CDH4: variants seen among roughly 807,000 people sequenced by gnomAD.
The protein encoded by CDH4 is cadherin-4.
Under a neutral mutation model 86.0 loss-of-function variants are expected in CDH4, and 33 were observed. The observed-to-expected ratio is 0.38, with a 90% CI of 0.29 to 0.51. CDH4 has a LOEUF of 0.51. Among genes scored for constraint, CDH4 ranks in the 20% least tolerant of loss-of-function variants. The pLI is 0.86. For synonymous variants in CDH4, 555 were observed against 549.4 expected, an observed-to-expected ratio of 1.01 and a Z score of -0.14; for missense variants, 1,114 against 1,307.4, an observed-to-expected ratio of 0.85 and a Z score of 2.28.
At chr20:61,616,929 T>C (rs2086729757) in intron 2 of CDH4, among the ~76,000 whole-genome samples, 1 of 151,308 alleles carries the variant, frequency 6.6e-6, no homozygotes, top group African/African-American at 2.4e-5. Context: ...CATGGGGGGC[T>C]GCTGGGTGGA....
intron 2 of CDH4, among the ~76,000 whole-genome samples, chr20:61,376,350 C>T (rs2084872413): frequency 1.3e-5 from 2 of 151,866 alleles, no homozygotes; most frequent in Admixed American, 1.3e-4. Flanking sequence ...TGGGAAAGAT[C>T]CCAGGGGAAG....
At chr20:61,629,469 T>A (rs2086863930) in intron 2 of CDH4, among the ~76,000 whole-genome samples, 1 of 152,170 alleles carries the variant, frequency 6.6e-6, no homozygotes, top group Non-Finnish European at 1.5e-5. Context: ...TGAGCTGTAA[T>A]CAAAGGAATG....
At chr20:61,755,590 C>T (rs1029640243) in intron 3 of CDH4, among the ~76,000 whole-genome samples, 5 of 148,352 alleles carry the variant, frequency 3.4e-5, no homozygotes, top group African/African-American at 1.3e-4. Flanking sequence ...ACCACACACA[C>T]CACATACACA....
At chr20:61,785,713 G>A (rs2146006592) in intron 4 of CDH4, among the ~76,000 whole-genome samples, 1 of 152,336 alleles carries the variant, frequency 6.6e-6, no homozygotes. Flanking sequence ...TTGCCCAGGT[G>A]GACAGGGCCC....
At chr20:61,884,104 A>G (rs931769697) in intron 7 of CDH4, among the ~76,000 whole-genome samples, 6 of 152,188 alleles carry the variant, frequency 3.9e-5, no homozygotes, top group African/African-American at 1.4e-4. Flanking sequence ...GATCCAGCTC[A>G]GCACAGCAGA....
In CDH4 at chr20:61,684,490, G is replaced by A. The variant is rs1167242243; in HGVS notation, c.170-59073G>A. ...ATAGCCTTGAGCCTGGGCAGAATTC[G>A]GAGGCAACCATCTCCTGGCCGCCTG... On this transcript the variant is annotated intron_variant, in intron 2 of 15. Transcript: ENST00000614565. This position sits in a 1 kb window ranked among gnomAD's most constrained non-coding sequence, Gnocchi z 4.5. Among the ~76,000 whole-genome samples, 5 of 152,160 alleles carry A rather than the reference G, an allele frequency of 3.3e-5. No homozygotes were observed. The highest frequency in any genetic ancestry group is 1.9e-4 in the East Asian group (1 of 5,190).
Position 61,639,045 on chromosome 20 carries a change from G to A in CDH4, c.170-104518G>A, listed in dbSNP as rs149391139. On this transcript the variant is annotated intron_variant, in intron 2 of 15. Transcript: ENST00000614565. ...AATGTCAGTCCCTGTTATTACTGCC[G>A]GTAGAATGAATGAACACGTGCATAA... 2.2e-3 allele frequency among the ~76,000 whole-genome samples: 340 copies of A among 152,312 alleles called. 1 individual carries two copies. Among genetic ancestry groups the A allele is most frequent in the African/African-American group, 7.7e-3 (319 of 41,570 alleles).
intron 2 of CDH4, among the ~76,000 whole-genome samples, chr20:61,620,202 A>ATGGACAGACAGGCAGGCTGG (rs1158836974): frequency 3.3e-4 from 47 of 143,216 alleles, no homozygotes; most frequent in Non-Finnish European, 5.2e-4. Context: ...GGATGGATGG[A>ATGGACAGACAGGCAGGCTGG]TGGACAGACA....
At chr20:61,290,867 T>G (rs1391504238) in intron 2 of CDH4, among the ~76,000 whole-genome samples, 2 of 152,090 alleles carry the variant, frequency 1.3e-5, no homozygotes, top group Non-Finnish European at 2.9e-5. Context: ...TCCTGAAAAA[T>G]CTAAGGGTCT....
At chr20:61,475,432 T>C in intron 2 of CDH4, among the ~76,000 whole-genome samples, 1 of 112,214 alleles carries the variant, frequency 8.9e-6, no homozygotes, top group Non-Finnish European at 2.0e-5. Flanking sequence ...TCCACCACTT[T>C]CTCCCCCATG....
intron 2 of CDH4, among the ~76,000 whole-genome samples, chr20:61,296,829 T>C (rs1015152368): frequency 2.0e-4 from 30 of 151,904 alleles, no homozygotes; most frequent in African/African-American, 5.8e-4. Context: ...GGACGGACGA[T>C]GGGCAGGTGG....
chr20:61,310,970 T>C (rs1199257771), intron 2 of CDH4, among the ~76,000 whole-genome samples: 2 of 152,086 alleles, frequency 1.3e-5, no homozygotes, highest in Admixed American at 6.5e-5. Flanking sequence ...GGCTTCAAAA[T>C]AGGAATTTGA....
chr20:61,584,654 A>G lies in CDH4; in HGVS notation c.170-158909A>G, dbSNP rs79992441. On this transcript the variant is annotated intron_variant, in intron 2 of 15. Transcript: ENST00000614565. ...ATAGATTTTTGCTAAAACAATGATA[A>G]AATATAACACGAGCTCAGCAGATAA... 8.1e-3 allele frequency among the ~76,000 whole-genome samples: 1,241 copies of G among 152,302 alleles called. 7 individuals are homozygous for G. The highest frequency in any genetic ancestry group is 0.016 in the Admixed American group (251 of 15,310).
intron 2 of CDH4, among the ~76,000 whole-genome samples, chr20:61,687,006 CT>C (rs1472032808): frequency 6.6e-6 from 1 of 151,852 alleles, no homozygotes; most frequent in African/African-American, 2.4e-5. Flanking sequence ...ATCATCACCC[CT>C]GTGTTCAGCT....
chr20:61,315,617 A>T (rs1198216427), intron 2 of CDH4, among the ~76,000 whole-genome samples: 1 of 152,256 alleles, frequency 6.6e-6, no homozygotes. Flanking sequence ...CCTGTTCGTC[A>T]TGAGGCTCCC....
intron 2 of CDH4, among the ~76,000 whole-genome samples, chr20:61,659,309 G>T (rs973264750): frequency 1.3e-5 from 2 of 152,202 alleles, no homozygotes; most frequent in African/African-American, 4.8e-5. Context: ...CAATTGATCC[G>T]CTACGGAGAG....
At chr20:61,395,792 G>T (rs1272013279) in intron 2 of CDH4, among the ~76,000 whole-genome samples, 2 of 152,142 alleles carry the variant, frequency 1.3e-5, no homozygotes, top group Non-Finnish European at 2.9e-5. Flanking sequence ...AAAAAATGTT[G>T]CTAGTATTCT....
chr20:61,688,319 T>C (rs2087611668), intron 2 of CDH4, among the ~76,000 whole-genome samples: 1 of 151,666 alleles, frequency 6.6e-6, no homozygotes, highest in African/African-American at 2.4e-5. Context: ...CCCACCTTCC[T>C]CCTCCCTCCT....
At chr20:61,602,294 A>G (rs1350083853) in intron 2 of CDH4, among the ~76,000 whole-genome samples, 1 of 152,186 alleles carries the variant, frequency 6.6e-6, no homozygotes, top group East Asian at 1.9e-4. Flanking sequence ...ACGCAGGCAG[A>G]CACCCGGTCC....
Sources: allele counts gnomAD v4.1 joint callset (sites outside exome capture counted in the v4.1 genomes callset), GRCh38; gene constraint gnomAD v4.1.1; non-coding constraint Gnocchi (gnomAD v3.1); transcripts MANE v1.5; gene names NCBI Gene and HGNC (gene_info 2026-07-23, HGNC 2026-07-21).